The following ZNF829 variants were observed in gnomAD, a reference collection of about 807,000 sequenced individuals.
ZNF829 encodes zinc finger protein 829.
ZNF829 carries 25 observed loss-of-function variants against 35.2 expected under a neutral mutation model. The observed-to-expected ratio is 0.71, with a 90% CI of 0.52 to 0.99. The LOEUF (loss-of-function observed/expected upper bound fraction) is 0.99. Ranked by LOEUF, ZNF829 falls within the 50% of genes least tolerant of loss-of-function variation. The probability of loss-of-function intolerance (pLI) is 0.00; values close to 1 mark genes in which losing one functional copy is unlikely to be tolerated. For missense variants in ZNF829, 417 were observed against 515.3 expected (o/e 0.81, Z 1.85); for synonymous variants, 136 against 163.2 (o/e 0.83, Z 1.27).
At chr19:36,900,216 G>A (rs2073153300) in intron 5 of ZNF829, among the ~76,000 whole-genome samples, 1 of 149,568 alleles carries the variant, frequency 6.7e-6, no homozygotes, top group South Asian at 2.1e-4. Flanking sequence ...TGGGCGTGGT[G>A]GTATGTGCCT....
At chr19:36,908,603 T>C (rs2073238653) in intron 3 of ZNF829, 144 bp from the exon 4 acceptor site, 2 of 866,652 alleles carry the variant, frequency 2.3e-6, no homozygotes, top group Non-Finnish European at 1.6e-6. Context: ...CAAAGGGATA[T>C]ACAAATAGAC....
chr19:36,901,849 G>T, intron 5 of ZNF829: 1 of 743,130 alleles, frequency 1.3e-6, no homozygotes, highest in East Asian at 2.5e-5. Flanking sequence ...TCCATGGAGT[G>T]GGCTTCAAGA....
chr19:36,893,841 C>A (rs2073085812), intron 5 of ZNF829, among the ~76,000 whole-genome samples: 1 of 152,154 alleles, frequency 6.6e-6, no homozygotes, highest in Non-Finnish European at 1.5e-5. Flanking sequence ...CCAGTATGTT[C>A]TAGCACCCTC....
At position 36,897,670 on chromosome 19, in the gene ZNF829, T is replaced by A. The variant is rs568345176; in HGVS notation, c.320-5199A>T. ...AGAAGCCCACATTCACCACTATTATTCAATATAGTACTGGAAGTCCTATCC... is the reference window on the plus strand; with the variant it reads ...AGAAGCCCACATTCACCACTATTATACAATATAGTACTGGAAGTCCTATCC... On this transcript the variant is annotated intron_variant, in intron 5 of 5. Transcript: ENST00000391711. 2.6e-5 allele frequency among the ~76,000 whole-genome samples: 4 copies of A among 152,258 alleles called. No individual in the cohort carries two copies. In the South Asian group the frequency reaches 6.2e-4, roughly 24 times the overall value.
At chr19:36,903,779 T>C (rs1160381958) in intron 5 of ZNF829, among the ~76,000 whole-genome samples, 1 of 151,880 alleles carries the variant, frequency 6.6e-6, no homozygotes, top group African/African-American at 2.4e-5. Context: ...TAATCCCAGC[T>C]ACTCGGGAGG....
At chr19:36,911,902 G>A (rs2073267420) in intron 3 of ZNF829, among the ~76,000 whole-genome samples, 1 of 152,170 alleles carries the variant, frequency 6.6e-6, no homozygotes, top group Admixed American at 6.5e-5. Context: ...GACATGCTGT[G>A]CATATCCCAG....
chr19:36,901,085 A>G (rs1390056811), intron 5 of ZNF829, among the ~76,000 whole-genome samples: 1 of 152,242 alleles, frequency 6.6e-6, no homozygotes, highest in East Asian at 1.9e-4. Flanking sequence ...TGTTCATACA[A>G]CATTAATCAA....
In ZNF829 at chr19:36,891,237, A is replaced by G; in HGVS notation, c.*255T>C. 2.6e-6 allele frequency: 1 copy of G among 387,204 alleles called. No homozygotes were observed. The highest frequency in any genetic ancestry group is 4.6e-6 in the Non-Finnish European group (1 of 219,524). The allele number at this position is 387,204 out of a possible 1,614,324, so 24.0% of individuals were successfully genotyped here. ...AGAGGTTAGGAAAAAGGCATAGAAC[A>G]GATCCTCAGAGTCCTCAGAAGGAAC... On this transcript the variant is annotated 3_prime_UTR_variant, in exon 6 of 6. Coordinates refer to ENST00000391711, the MANE Select transcript of ZNF829 (RefSeq NM_001037232.4).
chr19:36,891,612 T>G lies in ZNF829; in HGVS notation c.1179A>C (p.Ser393=), dbSNP rs2073052827. Residue 393 remains serine (S), a synonymous_variant, in exon 6 of 6, where the codon TCA becomes TCC. Coordinates refer to ENST00000391711, the MANE Select transcript of ZNF829 (RefSeq NM_001037232.4). The part of the protein sequence containing the change: ...NECGKAFNKG[S]NLTRHQRIHT... ...GAATTCTCTGATGTCGAGTAAGATT[T>G]GAGCCTTTATTAAAGGCCTTCCCAC... 5.6e-6 allele frequency: 9 copies of G among 1,613,758 alleles called. No homozygotes were observed. The East Asian group carries it at 2.0e-4, about 36-fold the overall frequency.
At position 36,908,426 on chromosome 19, in the gene ZNF829, A is replaced by T. The variant is rs768573780; in HGVS notation, c.130T>A (p.Phe44Ile). ...AGGCATTCCCATTCCTCTTGAGAGA[A>T]GTCTATGGAAACATCCCTGAACATC... ...PVMFRDVSID[F>I]SQEEWECLDA... Residue 44 changes from phenylalanine to isoleucine, a missense_variant, in exon 4 of 6, where the codon TTC becomes ATC. Physicochemically the swap from Phe to Ile is conservative, Grantham distance 21. Coordinates refer to ENST00000391711, the MANE Select transcript of ZNF829 (RefSeq NM_001037232.4). The T allele has an allele frequency of 6.2e-7, 1 of 1,612,108 alleles. No individual in the cohort carries two copies. The highest frequency in any genetic ancestry group is 1.1e-5 in the South Asian group (1 of 90,724).
chr19:36,903,650 G>A (rs1227996318), intron 5 of ZNF829, among the ~76,000 whole-genome samples: 1 of 152,108 alleles, frequency 6.6e-6, no homozygotes, highest in East Asian at 1.9e-4. Flanking sequence ...CAGCACTTTG[G>A]GAGGCCAAGG....
In ZNF829 at chr19:36,916,068, A is replaced by G; in HGVS notation, c.-142T>C. 1 of 831,124 alleles carries G rather than the reference A, an allele frequency of 1.2e-6. No homozygotes were observed. Among genetic ancestry groups the G allele is most frequent in the Non-Finnish European group, 1.8e-6 (1 of 554,426 alleles). 51.5% of individuals were successfully genotyped at this position (831,124 alleles called of 1,614,324 possible). A position where few individuals can be genotyped will look rare whatever the true frequency, so the allele number is the denominator to read the frequency against. ...GAAACGTTCGAATTCCTGCGAGAAA[A>G]GTGGCAGGCCACCAGGCCCTCTGGG... is the stretch of plus-strand genomic sequence containing the variant. On this transcript the variant is annotated 5_prime_UTR_variant, in exon 1 of 6. Transcript: ENST00000391711. The surrounding 1 kb of genome is among the most constrained non-coding windows in gnomAD (Gnocchi z 5.3).
chr19:36,915,890 C>T, intron 1 of ZNF829, 121 bp downstream of exon 1: 1 of 1,536,134 alleles, frequency 6.5e-7, no homozygotes, highest in Non-Finnish European at 8.7e-7. Context: ...GCTCCGCCCG[C>T]AGGGGCCCAA....
chr19:36,903,719 C>T (rs903168999), intron 5 of ZNF829, among the ~76,000 whole-genome samples: 4 of 151,830 alleles, frequency 2.6e-5, no homozygotes, highest in South Asian at 2.1e-4. Context: ...GGGGAAACCT[C>T]GTCTCTACTA....
chr19:36,907,120 T>C (rs976885027), intron 5 of ZNF829: 1 of 139,476 alleles, frequency 7.2e-6, no homozygotes, highest in Non-Finnish European at 1.5e-5. Flanking sequence ...AATGTATATA[T>C]ATATATATAT....
At position 36,890,264 on chromosome 19, in the gene ZNF829, A is replaced by T. The variant is rs2146220399; in HGVS notation, c.*1228T>A. On this transcript the variant is annotated 3_prime_UTR_variant, in exon 6 of 6. Coordinates refer to ENST00000391711, the MANE Select transcript of ZNF829 (RefSeq NM_001037232.4). ...GGTTGTTGGGTAGAATGTTCTTCAG[A>T]TGTCTGTTGGGTCCATTTGGTGTAG... 6.6e-6 allele frequency: 1 copy of T among 152,304 alleles called. No individual in the cohort carries two copies. Among genetic ancestry groups the T allele is most frequent in the East Asian group, 1.9e-4 (1 of 5,166 alleles). The allele number at this position is 152,304 out of a possible 1,614,324, so 9.4% of individuals were successfully genotyped here.
At chr19:36,912,487 T>C (rs1452230448) in intron 3 of ZNF829, among the ~76,000 whole-genome samples, 1 of 152,188 alleles carries the variant, frequency 6.6e-6, no homozygotes, top group Non-Finnish European at 1.5e-5. Context: ...AGTCACATCA[T>C]CTATAAAGCG....
chr19:36,892,196 C>T lies in ZNF829; in HGVS notation c.595G>A (p.Val199Ile), dbSNP rs748090810. The change falls in exon 6 of 6, where the codon GTT (valine) becomes ATT (isoleucine). Residue 199 changes from valine (V) to isoleucine (I), a missense_variant. Transcript: ENST00000391711. Reference protein sequence around the residue: ...YGKSFSRGSLVTRHQRIHTGK... With the variant: ...YGKSFSRGSLITRHQRIHTGK... ...GTGTGAATCCTCTGATGTCGAGTAA[C>T]GAGTGAGCCACGACTAAAGGACTTC... 31 of 1,613,982 alleles carry T rather than the reference C, an allele frequency of 1.9e-5. No individual in the cohort carries two copies. The highest frequency in any genetic ancestry group is 1.5e-4 in the South Asian group (14 of 91,080).
chr19:36,906,876 C>T (rs1050894589), intron 5 of ZNF829: 2 of 151,922 alleles, frequency 1.3e-5, no homozygotes, highest in Admixed American at 6.6e-5. Context: ...CACCTGAAGT[C>T]AGCAGTTTGA....
Sources: gnomAD v4.1 joint callset for allele counts (sites outside exome capture counted in the v4.1 genomes callset) on GRCh38, gnomAD v4.1.1 for gene constraint, Gnocchi (gnomAD v3.1) non-coding constraint, MANE v1.5 for transcripts, NCBI Gene and HGNC (gene_info 2026-07-23, HGNC 2026-07-21) for gene names.